The following EEF2KMT variants were observed in gnomAD, a reference collection of about 807,000 sequenced individuals.
The protein encoded by EEF2KMT is eukaryotic elongation factor 2 lysine methyltransferase.
A neutral mutation model predicts 35.1 loss-of-function variants in EEF2KMT; 30 were observed. The observed-to-expected ratio is 0.85, with a 90% CI of 0.64 to 1.16. The LOEUF (loss-of-function observed/expected upper bound fraction) is 1.16. Ranked by LOEUF, EEF2KMT falls within the 50% of genes most tolerant of loss-of-function variation. The pLI is 0.00. For synonymous variants in EEF2KMT, 190 were observed against 187.7 expected, an observed-to-expected ratio of 1.01 and a Z score of -0.10; for missense variants, 499 against 438.2, an observed-to-expected ratio of 1.14 and a Z score of -1.24.
At chr16:5,091,720 C>T in intron 4 of EEF2KMT, 74 bp downstream of exon 4, 3 of 1,594,336 alleles carry the variant, frequency 1.9e-6, no homozygotes, top group Admixed American at 1.7e-5. Context: ...TTTGAACCCA[C>T]ACCCACGTTT....
In EEF2KMT at chr16:5,097,239, AGC is replaced by A. The variant is rs1463512460; in HGVS notation, c.96+403_96+404del. On this transcript the variant is annotated intron_variant, in intron 1 of 7. Coordinates refer to ENST00000427587, the MANE Select transcript of EEF2KMT (RefSeq NM_201400.4). ...ATGAGAATACTGAGGCACGAGGGAC[AGC>A]CTGTGACCCGGTCACCGCGCTCAGG... 4 of 1,258,086 alleles carry A rather than the reference AGC, an allele frequency of 3.2e-6. No homozygotes were observed. The South Asian group carries it at 3.9e-5, about 12-fold the overall frequency. The allele number at this position is 1,258,086 out of a possible 1,614,324, so 77.9% of individuals were successfully genotyped here. A position where few individuals can be genotyped will look rare whatever the true frequency, so the allele number is the denominator to read the frequency against.
intron 7 of EEF2KMT, chr16:5,086,653 G>C (rs768043876): frequency 6.6e-6 from 1 of 151,864 alleles, no homozygotes; most frequent in East Asian, 1.9e-4. Context: ...GGCCTCAAGT[G>C]ATGCTCCTGC....
At chr16:5,093,611 T>A (rs1387079774) in intron 2 of EEF2KMT, 47 bp from the exon 3 acceptor site, 4 of 1,598,922 alleles carry the variant, frequency 2.5e-6, no homozygotes, top group Non-Finnish European at 3.4e-6. Context: ...CCGTCTTAAG[T>A]CTCCTATGAG....
intron 3 of EEF2KMT, among the ~76,000 whole-genome samples, 196 bp downstream of exon 3, chr16:5,093,288 G>A (rs1567180937): frequency 1.3e-5 from 2 of 152,246 alleles, no homozygotes; most frequent in Non-Finnish European, 2.9e-5. Context: ...GCAGAGTGAG[G>A]GAGAGATGCT....
At position 5,085,352 on chromosome 16, in the gene EEF2KMT, C is replaced by T. The variant is rs1031759797; in HGVS notation, c.*280G>A. Reference sequence around the variant, plus strand: ...GGGGGAACATCATACTTGATACACACGTTTTTATTTGCACAAAGAAAATGC... The same window carrying T: ...GGGGGAACATCATACTTGATACACATGTTTTTATTTGCACAAAGAAAATGC... On this transcript the variant is annotated 3_prime_UTR_variant, in exon 8 of 8. Coordinates refer to ENST00000427587, the MANE Select transcript of EEF2KMT (RefSeq NM_201400.4). The T allele has an allele frequency of 7.9e-6, 4 of 508,676 alleles. No individual in the cohort carries two copies. Among genetic ancestry groups the T allele is most frequent in the African/African-American group, 1.9e-5 (1 of 51,540 alleles). The allele number at this position is 508,676 out of a possible 1,614,324, so 31.5% of individuals were successfully genotyped here.
chr16:5,097,379 T>A, intron 1 of EEF2KMT: 2 of 1,485,396 alleles, frequency 1.3e-6, no homozygotes, highest in Non-Finnish European at 1.8e-6. Context: ...AAAATGATCG[T>A]GAACTGTACC....
intron 7 of EEF2KMT, chr16:5,086,619 G>A (rs1957183358): frequency 6.6e-6 from 1 of 151,826 alleles, no homozygotes; most frequent in African/African-American, 2.4e-5. Context: ...TTTTTATTTT[G>A]TAGAGATGGG....
chr16:5,085,665 G>C lies in EEF2KMT; in HGVS notation c.960C>G (p.His320Gln). The stretch of plus-strand genomic sequence containing the variant: ...TGAGATTCAGCATTGCCATCTCCAA[G>C]TGCTCTTCGTAGGGAAACAGTTTCT... Reference protein sequence around the residue: ...HEQKLFPYEEHLEMAMLNLTL With the variant: ...HEQKLFPYEEQLEMAMLNLTL The change falls in exon 8 of 8, where the codon CAC becomes CAG. Residue 320 changes from histidine to glutamine, a missense_variant. Coordinates refer to ENST00000427587, the MANE Select transcript of EEF2KMT (RefSeq NM_201400.4). The C allele has an allele frequency of 6.2e-7, 1 of 1,611,650 alleles. No homozygotes were observed. The highest frequency in any genetic ancestry group is 2.2e-5 in the East Asian group (1 of 44,888).
chr16:5,090,736 G>A lies in EEF2KMT; in HGVS notation c.343-171C>T, dbSNP rs1175443823. 6.6e-6 allele frequency among the ~76,000 whole-genome samples: 1 copy of A among 152,038 alleles called. No homozygotes were observed. The highest frequency in any genetic ancestry group is 1.5e-5 in the Non-Finnish European group (1 of 68,014). On this transcript the variant is annotated intron_variant, in intron 4 of 7. Transcript: ENST00000427587. This position sits in a 1 kb window ranked among gnomAD's most constrained non-coding sequence, Gnocchi z 4.1. ...AACAGCTTTCACGGGCCTCAAGGGTGTCACGCGGTGTGAAAGACACTCATC... is the reference window on the plus strand; with the variant it reads ...AACAGCTTTCACGGGCCTCAAGGGTATCACGCGGTGTGAAAGACACTCATC...
At chr16:5,093,224 C>T (rs561323755) in intron 3 of EEF2KMT, among the ~76,000 whole-genome samples, 1 of 152,314 alleles carries the variant, frequency 6.6e-6, no homozygotes, top group East Asian at 1.9e-4. Flanking sequence ...AATGAGAATC[C>T]ATATGCTAGG....
rs1957103569 is a variant in EEF2KMT at position 5,084,967 on chromosome 16, C to T, written c.*665G>A. 1 of 1,590,566 alleles carries T rather than the reference C, an allele frequency of 6.3e-7. No homozygotes were observed. Among genetic ancestry groups the T allele is most frequent in the Non-Finnish European group, 8.5e-7 (1 of 1,174,570 alleles). Reference sequence around the variant, plus strand: ...GAGTCTCAGGGCAAACCCTTTCGAGCAGCACCTCCCAGTGGCCAGAAGCTG... The same window carrying T: ...GAGTCTCAGGGCAAACCCTTTCGAGTAGCACCTCCCAGTGGCCAGAAGCTG... On this transcript the variant is annotated 3_prime_UTR_variant, in exon 8 of 8. Transcript: ENST00000427587.
chr16:5,090,678 C>G lies in EEF2KMT; in HGVS notation c.343-113G>C, dbSNP rs1383103507. The G allele has an allele frequency of 1.1e-5, 15 of 1,408,742 alleles. No individual in the cohort carries two copies. Among genetic ancestry groups the G allele is most frequent in the Admixed American group, 4.0e-5 (2 of 50,036 alleles). 87.3% of individuals were successfully genotyped at this position (1,408,742 alleles called of 1,614,324 possible). A position where few individuals can be genotyped will look rare whatever the true frequency, so the allele number is the denominator to read the frequency against. On this transcript the variant is annotated intron_variant, in intron 4 of 7. Coordinates refer to ENST00000427587, the MANE Select transcript of EEF2KMT (RefSeq NM_201400.4). This position sits in a 1 kb window ranked among gnomAD's most constrained non-coding sequence, Gnocchi z 4.1. ...AACCATGACAGGACCAATCGCCACT[C>G]AGCAATGAGAAGCAGCTAACTGTTG...
intron 7 of EEF2KMT, among the ~76,000 whole-genome samples, chr16:5,088,674 A>G (rs1957269451): frequency 1.3e-5 from 2 of 152,082 alleles, no homozygotes; most frequent in Admixed American, 6.5e-5. Context: ...CCCCTTCTCT[A>G]CAGTCACCCT....
intron 2 of EEF2KMT, 34 bp from the exon 3 acceptor site, chr16:5,093,598 A>G (rs772340913): frequency 6.2e-7 from 1 of 1,611,470 alleles, no homozygotes; most frequent in Non-Finnish European, 8.5e-7. Context: ...GTTGCTCGAG[A>G]GCCCGTCTTA....
chr16:5,085,847 T>G, intron 7 of EEF2KMT, 115 bp from the exon 8 acceptor site: 1 of 841,930 alleles, frequency 1.2e-6, no homozygotes, highest in Non-Finnish European at 2.1e-6. Context: ...CAAGTCAGTT[T>G]ACTTGGTTCA....
At chr16:5,088,652 A>G (rs1344892347) in intron 7 of EEF2KMT, among the ~76,000 whole-genome samples, 1 of 152,110 alleles carries the variant, frequency 6.6e-6, no homozygotes, top group Non-Finnish European at 1.5e-5. Flanking sequence ...CTGGCCCACT[A>G]TGGGGCCAGT....
In EEF2KMT at chr16:5,087,816, A is replaced by C. The variant is rs1361620837; in HGVS notation, c.892+1291T>G. 8.6e-5 allele frequency among the ~76,000 whole-genome samples: 13 copies of C among 151,572 alleles called. No homozygotes were observed. In the South Asian group the frequency reaches 2.7e-3, roughly 32 times the overall value. On this transcript the variant is annotated intron_variant, in intron 7 of 7. Coordinates refer to ENST00000427587, the MANE Select transcript of EEF2KMT (RefSeq NM_201400.4). ...ACTCTGTCTCAAAAAAAAAAAAAAA[A>C]AAAAAGGTGGGTGGGGGCTTATACT...
At chr16:5,097,297 C>G in intron 1 of EEF2KMT, 3 of 1,347,732 alleles carry the variant, frequency 2.2e-6, no homozygotes, top group Non-Finnish European at 2.9e-6. Context: ...CCTGACGGCG[C>G]TGACTTTTTA....
intron 3 of EEF2KMT, 50 bp from the exon 4 acceptor site, chr16:5,091,945 A>G (rs1957348614): frequency 6.2e-7 from 1 of 1,608,000 alleles, no homozygotes; most frequent in East Asian, 2.2e-5. Context: ...TAATCTGTAA[A>G]AATGGCCAGA....
Sources: gnomAD v4.1 joint callset for allele counts (sites outside exome capture counted in the v4.1 genomes callset) on GRCh38, gnomAD v4.1.1 for gene constraint, Gnocchi (gnomAD v3.1) non-coding constraint, MANE v1.5 for transcripts, NCBI Gene and HGNC (gene_info 2026-07-23, HGNC 2026-07-21) for gene names.